Variants in CWC27 observed in about 807,000 individuals in gnomAD.
CWC27 encodes CWC27 spliceosome associated cyclophilin.
A neutral mutation model predicts 63.6 loss-of-function variants in CWC27; 47 were observed. That is an observed-to-expected ratio of 0.74 (90% CI 0.58 to 0.94). CWC27 has a LOEUF of 0.94. CWC27 is among the 40% of genes least tolerant of loss of function. The pLI, the probability that CWC27 is intolerant of heterozygous loss-of-function variation, is 0.00. For missense variants in CWC27, 495 were observed against 554.3 expected, an observed-to-expected ratio of 0.89 and a Z score of 1.07; for synonymous variants, 175 against 179.8, an observed-to-expected ratio of 0.97 and a Z score of 0.22.
intron 7 of CWC27, among the ~76,000 whole-genome samples, chr5:64,790,757 C>A (rs1025140793): frequency 1.3e-5 from 2 of 152,142 alleles, no homozygotes; most frequent in African/African-American, 4.8e-5. Context: ...TATCCTACTG[C>A]ATTACAATAA....
chr5:64,801,302 T>A lies in CWC27; in HGVS notation c.750T>A (p.Ser250Arg). 4.2e-6 allele frequency: 6 copies of A among 1,415,836 alleles called. No homozygotes were observed. The South Asian group carries it at 7.9e-5, about 19-fold the overall frequency. The allele number at this position is 1,415,836 out of a possible 1,614,324, so 87.7% of individuals were successfully genotyped here. Residue 250 changes from serine to arginine, a missense_variant and splice_region_variant, in exon 9 of 14, where the codon AGT (serine) becomes AGA (arginine). Around this residue, in one of 3 missense-constraint regions of CWC27, gnomAD observed 463 missense variants for 498.1 expected, o/e 0.93. Transcript: ENST00000381070. ...TTTGTTTTGCTTATTTTTTTTATAGTGAAAAAGGTGATGCACCAGATTTAG... is the reference window on the plus strand; with the variant it reads ...TTTGTTTTGCTTATTTTTTTTATAGAGAAAAAGGTGATGCACCAGATTTAG... ...PHLSSVPVVE[S>R]EKGDAPDLVD...
intron 11 of CWC27, among the ~76,000 whole-genome samples, chr5:64,942,189 G>T (rs1748496125): frequency 6.6e-6 from 1 of 151,578 alleles, no homozygotes. Context: ...ATTTTAGGAG[G>T]CTGAGACAGG....
intron 11 of CWC27, among the ~76,000 whole-genome samples, chr5:64,929,518 A>G (rs573123491): frequency 6.6e-6 from 1 of 152,330 alleles, no homozygotes; most frequent in Non-Finnish European, 1.5e-5. Context: ...TCAAGAATAA[A>G]AAGATAATGC....
chr5:64,846,014 A>C (rs1745968415), intron 10 of CWC27, among the ~76,000 whole-genome samples: 1 of 152,226 alleles, frequency 6.6e-6, no homozygotes, highest in African/African-American at 2.4e-5. Context: ...AAAGGAGACA[A>C]TATGACTATC....
At chr5:64,815,017 G>A (rs1429445900) in intron 10 of CWC27, among the ~76,000 whole-genome samples, 4 of 152,056 alleles carry the variant, frequency 2.6e-5, no homozygotes, top group African/African-American at 9.7e-5. Flanking sequence ...CTAGTTTTCT[G>A]GCTTGGAAGA....
At chr5:64,962,120 G>A (rs1748921866) in intron 11 of CWC27, among the ~76,000 whole-genome samples, 1 of 152,142 alleles carries the variant, frequency 6.6e-6, no homozygotes, top group Non-Finnish European at 1.5e-5. Context: ...AAATCATCTA[G>A]TCACTTATTG....
chr5:64,814,521 G>T (rs1189544634), intron 10 of CWC27, among the ~76,000 whole-genome samples: 2 of 152,104 alleles, frequency 1.3e-5, no homozygotes, highest in Non-Finnish European at 2.9e-5. Flanking sequence ...CACAGCAAAG[G>T]TATAAGATAT....
chr5:64,974,014 C>T (rs1311798621), intron 12 of CWC27, among the ~76,000 whole-genome samples: 2 of 151,442 alleles, frequency 1.3e-5, no homozygotes, highest in Non-Finnish European at 2.9e-5. Flanking sequence ...ATGGGAGGAT[C>T]TCTTGAGCCC....
rs1006706037 is a variant in CWC27 at position 64,788,716 on chromosome 5, A to G, written c.600-235A>G. On this transcript the variant is annotated intron_variant, in intron 6 of 13. Coordinates refer to ENST00000381070, the MANE Select transcript of CWC27 (RefSeq NM_005869.4). ...GCTCAGAAGGGATTTTTGGTCATTAAAAGTTAGTATAATATAGGAAACATT... is the reference window on the plus strand; with the variant it reads ...GCTCAGAAGGGATTTTTGGTCATTAGAAGTTAGTATAATATAGGAAACATT... Among the ~76,000 whole-genome samples the G allele has an allele frequency of 2.0e-5, 3 of 152,006 alleles. 1 individual carries two copies. Among genetic ancestry groups the G allele is most frequent in the South Asian group, 4.1e-4 (2 of 4,828 alleles).
intron 10 of CWC27, among the ~76,000 whole-genome samples, chr5:64,826,940 TG>T (rs568523881): frequency 7.8e-4 from 118 of 152,240 alleles, no homozygotes; most frequent in Middle Eastern, 3.4e-3. Context: ...TAAATGGAAA[TG>T]AAAAAGCAAA....
intron 4 of CWC27, 91 bp downstream of exon 4, chr5:64,784,070 A>C: frequency 8.8e-7 from 1 of 1,133,448 alleles, no homozygotes; most frequent in Non-Finnish European, 1.2e-6. Flanking sequence ...AACTTATCTA[A>C]GAGCTACCTT....
At chr5:64,899,523 G>A (rs965657871) in intron 11 of CWC27, among the ~76,000 whole-genome samples, 5 of 152,072 alleles carry the variant, frequency 3.3e-5, no homozygotes, top group Admixed American at 1.3e-4. Context: ...ATGACAACAC[G>A]AAGAGCACAG....
intron 10 of CWC27, among the ~76,000 whole-genome samples, chr5:64,858,676 A>G (rs1561437158): frequency 6.6e-6 from 1 of 152,070 alleles, no homozygotes; most frequent in Non-Finnish European, 1.5e-5. Flanking sequence ...AATCATATTC[A>G]GGGCAATACA....
chr5:64,949,870 A>T (rs1020660692), intron 11 of CWC27, among the ~76,000 whole-genome samples: 1 of 151,890 alleles, frequency 6.6e-6, no homozygotes, highest in African/African-American at 2.4e-5. Context: ...TGTTTCTCAA[A>T]CTTTTCTGCA....
At chr5:64,805,221 A>T (rs1234733935) in intron 10 of CWC27, among the ~76,000 whole-genome samples, 1 of 151,772 alleles carries the variant, frequency 6.6e-6, no homozygotes, top group African/African-American at 2.4e-5. Context: ...TAATCAAATA[A>T]AAATGATTCC....
rs375187975 is a variant in CWC27, at chr5:65,015,656, G to C, written c.1257-2503G>C. ...ATTTTAAAGGGTGCATTTTGTGGGGGATGCAGCAAAGATTGTAAGAAGTGT... is the reference window on the plus strand; with the variant it reads ...ATTTTAAAGGGTGCATTTTGTGGGGCATGCAGCAAAGATTGTAAGAAGTGT... On this transcript the variant is annotated intron_variant, in intron 13 of 13. Transcript: ENST00000381070. Among the ~76,000 whole-genome samples, 18 of 152,160 alleles carry C rather than the reference G, an allele frequency of 1.2e-4. 1 individual carries two copies. The highest frequency in any genetic ancestry group is 9.6e-4 in the East Asian group (5 of 5,196).
intron 11 of CWC27, among the ~76,000 whole-genome samples, chr5:64,954,504 G>A (rs1052374759): frequency 6.6e-6 from 1 of 151,824 alleles, no homozygotes; most frequent in South Asian, 2.1e-4. Flanking sequence ...GCCTGGACTC[G>A]GAACTCCTGG....
intron 10 of CWC27, among the ~76,000 whole-genome samples, chr5:64,868,103 C>T (rs1479998508): frequency 1.3e-5 from 2 of 152,002 alleles, no homozygotes; most frequent in South Asian, 2.1e-4. Context: ...AATAGCAATA[C>T]ATTGAAAATT....
At chr5:64,772,081 A>G (rs1743276812) in intron 1 of CWC27, among the ~76,000 whole-genome samples, 1 of 152,218 alleles carries the variant, frequency 6.6e-6, no homozygotes, top group Non-Finnish European at 1.5e-5. Context: ...ATTAAGTGAC[A>G]GAGATGTCAG....
Sources: gnomAD v4.1 joint callset for allele counts (sites outside exome capture counted in the v4.1 genomes callset) on GRCh38, gnomAD v4.1.1 for gene constraint, gnomAD v4.1.1 regional missense constraint, MANE v1.5 for transcripts, NCBI Gene and HGNC (gene_info 2026-07-23, HGNC 2026-07-21) for gene names.